The following STXBP5 variants were observed in gnomAD, a reference collection of about 807,000 sequenced individuals.
The protein encoded by STXBP5 is syntaxin-binding protein 5.
A neutral mutation model predicts 152.4 loss-of-function variants in STXBP5; 50 were observed. That is an observed-to-expected ratio of 0.33 (90% confidence interval 0.26 to 0.42). The LOEUF is 0.42. Ranked by LOEUF, STXBP5 falls within the 10% of genes least tolerant of loss-of-function variation. STXBP5 has a pLI of 1.00. For synonymous variants in STXBP5, 492 were observed against 494.7 expected (o/e 0.99, Z 0.07); for missense variants, 1,167 against 1,388.6 (o/e 0.84, Z 2.54).
At position 147,363,597 on chromosome 6, in the gene STXBP5, G is replaced by A. The variant is rs1306071380; in HGVS notation, c.2808G>A (p.Lys936=). The A allele has an allele frequency of 1.2e-6, 2 of 1,614,010 alleles. No individual in the cohort carries two copies. The highest frequency in any genetic ancestry group is 1.3e-5 in the African/African-American group (1 of 74,906). The change falls in exon 24 of 28, where the codon AAG becomes AAA. Residue 936 remains lysine (K), a synonymous_variant. Transcript: ENST00000321680. Reference sequence around the variant, plus strand: ...TGCCAACCCAGAACTGTGCTTATAAGCAAAATATTACAGAGACCTCGTTTG... The same window carrying A: ...TGCCAACCCAGAACTGTGCTTATAAACAAAATATTACAGAGACCTCGTTTG... The part of the protein sequence containing the change: ...ISLPTQNCAY[K]QNITETSFVL...
intron 21 of STXBP5, among the ~76,000 whole-genome samples, chr6:147,346,349 C>T (rs533409368): frequency 6.6e-6 from 1 of 152,270 alleles, no homozygotes; most frequent in Admixed American, 6.5e-5. Flanking sequence ...ACTAGAGGTT[C>T]TCCAGAGATG....
At chr6:147,269,415 A>G (rs1381664358) in intron 7 of STXBP5, among the ~76,000 whole-genome samples, 1 of 152,208 alleles carries the variant, frequency 6.6e-6, no homozygotes, top group Admixed American at 6.5e-5. Context: ...ACCCAAAAAC[A>G]TTTAGAAGAA....
chr6:147,292,109 C>T, intron 9 of STXBP5: 1 of 304,426 alleles, frequency 3.3e-6, no homozygotes, highest in South Asian at 2.8e-5. Flanking sequence ...TTTTGTATAC[C>T]AGTTTATAAC....
intron 2 of STXBP5, among the ~76,000 whole-genome samples, chr6:147,228,151 GTGTGTGTGCA>G (rs1777819564): frequency 6.6e-6 from 1 of 151,996 alleles, no homozygotes; most frequent in African/African-American, 2.4e-5. Context: ...TGTTTTGTGT[GTGTGTGTGCA>G]TGTGTGTGTC....
At chr6:147,344,734 T>C (rs912252169) in intron 21 of STXBP5, among the ~76,000 whole-genome samples, 6 of 152,198 alleles carry the variant, frequency 3.9e-5, no homozygotes, top group Non-Finnish European at 5.9e-5. Context: ...TCTCCTAGTA[T>C]AGTAGAGGAA....
chr6:147,344,092 T>A, intron 21 of STXBP5, among the ~76,000 whole-genome samples: 1 of 152,192 alleles, frequency 6.6e-6, no homozygotes, highest in East Asian at 1.9e-4. Context: ...ATTCTTTTTC[T>A]TTTTTAGAAT....
At chr6:147,300,699 C>A (rs1444083010) in intron 9 of STXBP5, among the ~76,000 whole-genome samples, 1 of 152,012 alleles carries the variant, frequency 6.6e-6, no homozygotes, top group Non-Finnish European at 1.5e-5. Flanking sequence ...AAGTATGAAA[C>A]TACTGGAAGA....
At chr6:147,265,172 G>T (rs1025759814) in intron 6 of STXBP5, among the ~76,000 whole-genome samples, 1 of 152,074 alleles carries the variant, frequency 6.6e-6, no homozygotes, top group Non-Finnish European at 1.5e-5. Context: ...TCCAAAAGGT[G>T]TATGTATCTC....
At chr6:147,380,962 A>G (rs58371914) in intron 26 of STXBP5, among the ~76,000 whole-genome samples, 10,297 of 152,188 alleles carry the variant, frequency 0.068, 472 homozygotes, top group African/African-American at 0.12. Flanking sequence ...GGCTGGCGAG[A>G]CCTCACAATC....
chr6:147,336,741 GGA>G (rs1783843551), intron 19 of STXBP5, among the ~76,000 whole-genome samples: 1 of 151,834 alleles, frequency 6.6e-6, no homozygotes, highest in Non-Finnish European at 1.5e-5. Context: ...AAGTGGATTG[GGA>G]GTTAAAATGA....
At chr6:147,304,882 A>G (rs1409635381) in intron 9 of STXBP5, among the ~76,000 whole-genome samples, 1 of 152,062 alleles carries the variant, frequency 6.6e-6, no homozygotes, top group Non-Finnish European at 1.5e-5. Flanking sequence ...TTGGAATGGG[A>G]GAAATTGGAA....
intron 11 of STXBP5, among the ~76,000 whole-genome samples, chr6:147,312,280 T>C (rs1194770436): frequency 6.6e-6 from 1 of 152,224 alleles, no homozygotes; most frequent in Non-Finnish European, 1.5e-5. Context: ...TTTGTAACTT[T>C]TCATGGTATT....
intron 8 of STXBP5, among the ~76,000 whole-genome samples, chr6:147,281,419 ATCATCTATT>A (rs536870609): frequency 8.5e-5 from 13 of 152,334 alleles, no homozygotes; most frequent in Non-Finnish European, 1.6e-4. Context: ...TAACAAGGGT[ATCATCTATT>A]CCATAGAGAT....
intron 2 of STXBP5, among the ~76,000 whole-genome samples, chr6:147,214,990 A>AG (rs1345901489): frequency 9.2e-5 from 14 of 152,264 alleles, no homozygotes; most frequent in Non-Finnish European, 2.1e-4. Flanking sequence ...CAGACACTTA[A>AG]AGAAGATCTG....
At chr6:147,319,622 G>T (rs2128378963) in intron 16 of STXBP5, among the ~76,000 whole-genome samples, 1 of 151,998 alleles carries the variant, frequency 6.6e-6, no homozygotes, top group East Asian at 1.9e-4. Context: ...ATATTTTAAG[G>T]GACAGTTCTT....
intron 2 of STXBP5, among the ~76,000 whole-genome samples, chr6:147,221,822 G>A (rs1204151706): frequency 6.6e-6 from 1 of 151,410 alleles, no homozygotes; most frequent in Middle Eastern, 3.2e-3. Flanking sequence ...CATTGATTTA[G>A]AGGAAATTCA....
intron 4 of STXBP5, among the ~76,000 whole-genome samples, chr6:147,258,487 G>T (rs1214589208): frequency 6.6e-6 from 1 of 152,114 alleles, no homozygotes; most frequent in Non-Finnish European, 1.5e-5. Flanking sequence ...AGGCTGGAGT[G>T]CAGTGAGTGG....
chr6:147,285,927 A>T (rs2128347284), intron 8 of STXBP5, among the ~76,000 whole-genome samples: 1 of 152,316 alleles, frequency 6.6e-6, no homozygotes, highest in Non-Finnish European at 1.5e-5. Flanking sequence ...TGTGTCTATA[A>T]TTCTAAATTC....
Position 147,339,176 on chromosome 6 carries a change from T to C in STXBP5, c.2147-3T>C. Reference sequence around the variant, plus strand: ...ATTCCTTCCGTTGTCTTCATTTGTGTAGGTTCTTCATCACCACACAATTCA... The same window carrying C: ...ATTCCTTCCGTTGTCTTCATTTGTGCAGGTTCTTCATCACCACACAATTCA... On this transcript the variant is annotated splice_polypyrimidine_tract_variant and splice_region_variant and intron_variant, in intron 19 of 27. Coordinates refer to ENST00000321680, the MANE Select transcript of STXBP5 (RefSeq NM_001127715.4). 1.3e-6 allele frequency: 2 copies of C among 1,539,424 alleles called. No individual in the cohort carries two copies. The highest frequency in any genetic ancestry group is 1.7e-6 in the Non-Finnish European group (2 of 1,143,002).
Sources: gnomAD v4.1 joint callset for allele counts (sites outside exome capture counted in the v4.1 genomes callset) on GRCh38, gnomAD v4.1.1 for gene constraint, MANE v1.5 for transcripts, NCBI Gene and HGNC (gene_info 2026-07-23, HGNC 2026-07-21) for gene names.